Variants in DAAM1 observed in about 807,000 individuals in gnomAD.
The protein encoded by DAAM1 is disheveled-associated activator of morphogenesis 1.
DAAM1 carries 52 observed loss-of-function variants against 130.0 expected under a neutral mutation model. The observed-to-expected ratio is 0.40, with a 90% confidence interval of 0.32 to 0.50. The LOEUF is 0.50. Among genes scored for constraint, DAAM1 ranks in the 20% least tolerant of loss-of-function variants. The pLI is 0.61. For synonymous variants in DAAM1, 452 were observed against 444.5 expected (o/e 1.02, Z -0.21); for missense variants, 1,134 against 1,303.8 (o/e 0.87, Z 2.01).
chr14:59,218,891 C>T (rs1888675991), intron 1 of DAAM1, among the ~76,000 whole-genome samples: 1 of 152,208 alleles, frequency 6.6e-6, no homozygotes, highest in Admixed American at 6.5e-5. Flanking sequence ...GCCCTCCACA[C>T]ATGACTGCCA....
At chr14:59,314,670 T>G (rs1248349857) in intron 3 of DAAM1, among the ~76,000 whole-genome samples, 1 of 152,170 alleles carries the variant, frequency 6.6e-6, no homozygotes, top group Non-Finnish European at 1.5e-5. Flanking sequence ...CACTACCTTT[T>G]CTATCAAAAC....
chr14:59,350,427 C>T (rs1353451745), intron 17 of DAAM1, among the ~76,000 whole-genome samples: 1 of 148,128 alleles, frequency 6.8e-6, no homozygotes, highest in Admixed American at 6.8e-5. Context: ...TGTGCATACA[C>T]CCCTGCATGC....
intron 16 of DAAM1, among the ~76,000 whole-genome samples, chr14:59,344,836 ATTG>A (rs1886007763): frequency 6.6e-6 from 1 of 152,190 alleles, no homozygotes. Context: ...TACTTCAAGT[ATTG>A]TTCTCGCTCT....
intron 4 of DAAM1, among the ~76,000 whole-genome samples, chr14:59,320,215 G>T (rs1462937234): frequency 1.3e-5 from 2 of 152,106 alleles, no homozygotes; most frequent in African/African-American, 4.8e-5. Context: ...TCAACTACAG[G>T]TTCAGTCTTA....
Position 59,367,579 on chromosome 14 carries a change from C to T in DAAM1, c.2977C>T (p.Arg993Ter), listed in dbSNP as rs751770774. ...MRKKKEEEER[R>*]ARMEAQLKEQ... ...AAAGAAAAAGGAGGAAGAAGAACGT[C>T]GAGCTCGCATGGAAGCTCAGGTGAG... is the stretch of plus-strand genomic sequence containing the variant. The change falls in exon 24 of 25, where the codon CGA becomes TGA. Residue 993 changes from arginine (R) to a stop codon, truncating the protein, a stop_gained. Coordinates refer to ENST00000360909, the MANE Select transcript of DAAM1 (RefSeq NM_001270520.2). LOFTEE classifies it high-confidence loss of function. 6.2e-7 allele frequency: 1 copy of T among 1,613,462 alleles called. No homozygotes were observed.
intron 1 of DAAM1, among the ~76,000 whole-genome samples, chr14:59,248,345 T>G (rs1881490238): frequency 8.4e-6 from 1 of 119,646 alleles, no homozygotes; most frequent in African/African-American, 3.4e-5. Context: ...TTTGTTTTGT[T>G]TTGTTTTGTT....
intron 1 of DAAM1, among the ~76,000 whole-genome samples, chr14:59,196,983 C>T (rs1034293557): frequency 1.1e-4 from 17 of 151,944 alleles, no homozygotes; most frequent in African/African-American, 3.4e-4. Flanking sequence ...TGCAGTGGCG[C>T]GATCTCGGCT....
chr14:59,244,209 C>T (rs1180067350), intron 1 of DAAM1, among the ~76,000 whole-genome samples: 2 of 151,756 alleles, frequency 1.3e-5, no homozygotes, highest in African/African-American at 2.4e-5. Flanking sequence ...TGAGGCCTCC[C>T]CAGCTATGTG....
chr14:59,236,482 C>T (rs953467042), intron 1 of DAAM1, among the ~76,000 whole-genome samples: 2 of 152,070 alleles, frequency 1.3e-5, no homozygotes, highest in African/African-American at 4.8e-5. Context: ...TGCTCTCTGG[C>T]TGGAACACTC....
At chr14:59,314,445 C>G (rs1423941596) in intron 3 of DAAM1, among the ~76,000 whole-genome samples, 1 of 151,746 alleles carries the variant, frequency 6.6e-6, no homozygotes, top group African/African-American at 2.4e-5. Context: ...GCTCAGTGTT[C>G]AGGTGGAGCC....
intron 20 of DAAM1, 134 bp from the exon 21 acceptor site, chr14:59,359,263 A>T: frequency 1.5e-6 from 1 of 654,614 alleles, no homozygotes; most frequent in South Asian, 2.7e-5. Context: ...AAGTTAATGC[A>T]GGTAATATAG....
chr14:59,360,875 T>C lies in DAAM1; in HGVS notation c.2694+13T>C. On this transcript the variant is annotated intron_variant, in intron 22 of 24. Transcript: ENST00000360909. Reference sequence around the variant, plus strand: ...AGCAGTAGAGACAGTGAGTATTTTTTTGTTGTTGTTCTAATTCCTGGTCTC... The same window carrying C: ...AGCAGTAGAGACAGTGAGTATTTTTCTGTTGTTGTTCTAATTCCTGGTCTC... 6 of 1,593,976 alleles carry C rather than the reference T, an allele frequency of 3.8e-6. No individual in the cohort carries two copies. Among genetic ancestry groups the C allele is most frequent in the Non-Finnish European group, 5.1e-6 (6 of 1,178,124 alleles).
intron 24 of DAAM1, among the ~76,000 whole-genome samples, chr14:59,368,423 T>C (rs1887010842): frequency 6.6e-6 from 1 of 152,042 alleles, no homozygotes; most frequent in Non-Finnish European, 1.5e-5. Context: ...AGAATCTAGG[T>C]GGTGAGGGTC....
At chr14:59,264,961 G>T (rs1427060699) in intron 2 of DAAM1, 2 of 152,136 alleles carry the variant, frequency 1.3e-5, no homozygotes, top group Non-Finnish European at 2.9e-5. Flanking sequence ...TGAGGATAAC[G>T]GCTTCCAGCT....
chr14:59,237,926 G>A (rs540623054), intron 1 of DAAM1, among the ~76,000 whole-genome samples: 1 of 152,282 alleles, frequency 6.6e-6, no homozygotes, highest in South Asian at 2.1e-4. Context: ...GGATATAAAT[G>A]ATAATTTTGA....
intron 1 of DAAM1, among the ~76,000 whole-genome samples, chr14:59,193,579 G>A (rs1887797916): frequency 6.6e-6 from 1 of 152,188 alleles, no homozygotes; most frequent in African/African-American, 2.4e-5. Flanking sequence ...GTCTAAAAAT[G>A]AACTGAATGT....
At chr14:59,227,039 A>G (rs1316294270) in intron 1 of DAAM1, among the ~76,000 whole-genome samples, 1 of 152,236 alleles carries the variant, frequency 6.6e-6, no homozygotes, top group Non-Finnish European at 1.5e-5. Flanking sequence ...AATGCCTAGC[A>G]TACATCTGTA....
chr14:59,267,375 T>C (rs1322274465), intron 2 of DAAM1, among the ~76,000 whole-genome samples: 1 of 152,014 alleles, frequency 6.6e-6, no homozygotes, highest in African/African-American at 2.4e-5. Context: ...TTAAAGAAGG[T>C]GGGCAGCATG....
At chr14:59,206,157 C>G (rs1202083718) in intron 1 of DAAM1, among the ~76,000 whole-genome samples, 5 of 152,078 alleles carry the variant, frequency 3.3e-5, no homozygotes, top group African/African-American at 4.8e-5. Context: ...ACCTGGCCCT[C>G]AAAGTGTTCT....
Sources: gnomAD v4.1 joint callset for allele counts (sites outside exome capture counted in the v4.1 genomes callset) on GRCh38, gnomAD v4.1.1 for gene constraint, MANE v1.5 for transcripts, NCBI Gene and HGNC (gene_info 2026-07-23, HGNC 2026-07-21) for gene names.